The following DPP4 variants were observed in gnomAD, a reference collection of about 807,000 sequenced individuals.
DPP4 encodes ADCP-2.
Under a neutral mutation model 122.4 loss-of-function variants are expected in DPP4, and 93 were observed. The observed-to-expected ratio is 0.76, with a 90% CI of 0.64 to 0.90. The LOEUF is 0.90. Ranked by LOEUF, DPP4 falls within the 40% of genes least tolerant of loss-of-function variation. DPP4 has a pLI of 0.00. For missense variants in DPP4, 914 were observed against 907.3 expected (o/e 1.01, Z -0.09); for synonymous variants, 321 against 302.9 (o/e 1.06, Z -0.62).
At chr2:162,060,928 C>T (rs1576072498) in intron 2 of DPP4, among the ~76,000 whole-genome samples, 6 of 134,458 alleles carry the variant, frequency 4.5e-5, no homozygotes, top group Admixed American at 1.5e-4. Context: ...TAGCTTCCTT[C>T]GTTCCTAGCT....
Position 162,016,825 on chromosome 2 carries a change from G to A in DPP4, c.1510C>T (p.Leu504=), listed in dbSNP as rs762498364. The part of the protein sequence containing the change: ...LEDNSALDKM[L]QNVQMPSKKL... ...TTGGAGGGCATCTGGACATTCTGCAGCATTTTATCCAAAGCTGAATTGTCT... is the reference window on the plus strand; with the variant it reads ...TTGGAGGGCATCTGGACATTCTGCAACATTTTATCCAAAGCTGAATTGTCT... The change falls in exon 18 of 26, where the codon CTG becomes TTG. Residue 504 remains leucine, a synonymous_variant. Transcript: ENST00000360534. The A allele has an allele frequency of 3.7e-6, 6 of 1,613,084 alleles. No individual in the cohort carries two copies. The Admixed American group carries it at 1.0e-4, about 27-fold the overall frequency.
intron 18 of DPP4, among the ~76,000 whole-genome samples, chr2:162,015,587 T>A (rs975632826): frequency 2.0e-5 from 3 of 152,142 alleles, no homozygotes; most frequent in Non-Finnish European, 4.4e-5. Flanking sequence ...TTTGGGGGGT[T>A]CTTTCTATTC....
In DPP4 at chr2:162,046,918, T is replaced by G. The variant is rs1173745487; in HGVS notation, c.282A>C (p.Thr94=). Residue 94 remains threonine, a synonymous_variant, in exon 4 of 26, where the codon ACA becomes ACC. Transcript: ENST00000360534. ...TTAATTACGTGATTAAACATACAAA[T>G]GTACTGTTCTCCAAGAAAACTGAGC... ...GNSSVFLENS[T]FDEFGHSIND... 6.4e-7 allele frequency: 1 copy of G among 1,566,840 alleles called. No individual in the cohort carries two copies. Among genetic ancestry groups the G allele is most frequent in the Non-Finnish European group, 8.8e-7 (1 of 1,137,396 alleles).
At chr2:162,018,096 T>C (rs577453465) in intron 16 of DPP4, among the ~76,000 whole-genome samples, 76 of 152,050 alleles carry the variant, frequency 5.0e-4, no homozygotes, top group African/African-American at 1.8e-3. Flanking sequence ...TAATAAAATA[T>C]ACTAGTGAGG....
intron 2 of DPP4, among the ~76,000 whole-genome samples, chr2:162,055,192 T>C (rs868599489): frequency 6.6e-6 from 1 of 152,212 alleles, no homozygotes; most frequent in African/African-American, 2.4e-5. Context: ...ATTTCCTAAG[T>C]GCCAGTGAAT....
chr2:162,043,599 G>C (rs1021329497), intron 5 of DPP4, among the ~76,000 whole-genome samples: 3 of 152,150 alleles, frequency 2.0e-5, no homozygotes, highest in Non-Finnish European at 4.4e-5. Flanking sequence ...GTTGAACCTG[G>C]CTATATAGTA....
intron 2 of DPP4, among the ~76,000 whole-genome samples, chr2:162,054,368 G>T (rs1489411429): frequency 6.6e-6 from 1 of 152,180 alleles, no homozygotes; most frequent in South Asian, 2.1e-4. Flanking sequence ...TGAGACTCTG[G>T]CCTCTAGCCT....
chr2:162,007,919 A>C (rs1354620295), intron 22 of DPP4, among the ~76,000 whole-genome samples: 3 of 152,156 alleles, frequency 2.0e-5, no homozygotes, highest in African/African-American at 7.2e-5. Context: ...AGAAGACTTG[A>C]GATGGGGTTA....
Position 162,011,940 on chromosome 2 carries a change from T to C in DPP4, c.1685A>G (p.Asn562Ser), listed in dbSNP as rs1682719516. 8 of 1,613,754 alleles carry C rather than the reference T, an allele frequency of 5.0e-6. No homozygotes were observed. The highest frequency in any genetic ancestry group is 1.3e-5 in the African/African-American group (1 of 75,016). The change falls in exon 20 of 26, where the codon AAC becomes AGC. Residue 562 changes from asparagine (N) to serine (S), a missense_variant. Physicochemically the swap from Asn to Ser is conservative, Grantham distance 46 (BLOSUM62 1). Transcript: ENST00000360534. ...TGTGCTTGCAAGGTAAGTGGCCCAGTTCAGTCTGAAGACAGTGTCTGCTTT... is the reference window on the plus strand; with the variant it reads ...TGTGCTTGCAAGGTAAGTGGCCCAGCTCAGTCTGAAGACAGTGTCTGCTTT... ...SQKADTVFRL[N>S]WATYLASTEN...
intron 12 of DPP4, chr2:162,021,479 T>C (rs1472274620): frequency 1.3e-5 from 2 of 152,200 alleles, no homozygotes; most frequent in Non-Finnish European, 1.5e-5. Flanking sequence ...AGGTAGGAGA[T>C]GGTCTTTTAA....
intron 2 of DPP4, among the ~76,000 whole-genome samples, chr2:162,048,934 G>C (rs1157385588): frequency 6.6e-6 from 1 of 152,280 alleles, no homozygotes; most frequent in Non-Finnish European, 1.5e-5. Context: ...CACTCAAAGA[G>C]TTTTTATTGG....
chr2:162,035,542 C>A (rs1364289649), intron 8 of DPP4, among the ~76,000 whole-genome samples: 1 of 152,138 alleles, frequency 6.6e-6, no homozygotes, highest in African/African-American at 2.4e-5. Context: ...CCCGTTGGAC[C>A]ATTTTAGAAT....
chr2:162,067,063 A>AGCC, intron 2 of DPP4, among the ~76,000 whole-genome samples: 1 of 152,264 alleles, frequency 6.6e-6, no homozygotes, highest in Non-Finnish European at 1.5e-5. Flanking sequence ...AGCATTCAAT[A>AGCC]TATGTTTTTG....
intron 22 of DPP4, among the ~76,000 whole-genome samples, chr2:162,006,270 T>G (rs1346802017): frequency 6.6e-6 from 1 of 152,152 alleles, no homozygotes; most frequent in African/African-American, 2.4e-5. Flanking sequence ...GTGTTGAAAT[T>G]TTTTGGTTAT....
intron 18 of DPP4, among the ~76,000 whole-genome samples, chr2:162,014,745 T>A (rs1417320170): frequency 6.6e-6 from 1 of 152,208 alleles, no homozygotes; most frequent in Non-Finnish European, 1.5e-5. Context: ...GAATTTCTAA[T>A]GTTTTGTTTT....
At chr2:162,073,598 G>A (rs908518694) in intron 1 of DPP4, 112 bp from the exon 2 acceptor site, 182 of 1,059,414 alleles carry the variant, frequency 1.7e-4, no homozygotes, top group African/African-American at 6.5e-4. Context: ...GAGTGCGTTA[G>A]AAGAGGGAGA....
intron 8 of DPP4, 53 bp downstream of exon 8, chr2:162,038,249 C>CT: frequency 6.9e-7 from 1 of 1,452,458 alleles, no homozygotes; most frequent in Non-Finnish European, 9.2e-7. Context: ...AAACATTTAA[C>CT]TATTTTAAAA....
intron 2 of DPP4, among the ~76,000 whole-genome samples, chr2:162,066,285 C>CTA (rs1559727855): frequency 4.6e-5 from 7 of 151,822 alleles, no homozygotes; most frequent in Admixed American, 3.3e-4. Context: ...ACCTCCAGTG[C>CTA]TACCATCCTT....
chr2:162,043,548 A>C lies in DPP4; in HGVS notation c.366+1984T>G, dbSNP rs114718549. On this transcript the variant is annotated intron_variant, in intron 5 of 25. Transcript: ENST00000360534. ...AACCGTGGCTGGCCAACTAAGGGCC[A>C]CCAGGGGAATACACGCATTCGTGCA... Among the ~76,000 whole-genome samples the C allele has an allele frequency of 6.2e-3, 937 of 152,302 alleles. 9 individuals carry two copies. Among genetic ancestry groups the C allele is most frequent in the African/African-American group, 0.022 (899 of 41,562 alleles).
Sources: allele counts gnomAD v4.1 joint callset (sites outside exome capture counted in the v4.1 genomes callset), GRCh38; gene constraint gnomAD v4.1.1; transcripts MANE v1.5; gene names NCBI Gene and HGNC (gene_info 2026-07-23, HGNC 2026-07-21).